Variants in FAM171A1 observed in about 807,000 individuals in gnomAD.
FAM171A1 encodes the protein family with sequence similarity 171 member A1.
Under a neutral mutation model 74.9 loss-of-function variants are expected in FAM171A1, and 23 were observed. That is an observed-to-expected ratio of 0.31 (90% CI 0.22 to 0.44). The LOEUF (loss-of-function observed/expected upper bound fraction) is 0.44. Among genes scored for constraint, FAM171A1 ranks in the 20% least tolerant of loss-of-function variants. The pLI, the probability that FAM171A1 is intolerant of heterozygous loss-of-function variation, is 1.00. For missense variants in FAM171A1, 1,162 were observed against 1,159.2 expected (o/e 1.00, Z -0.03); for synonymous variants, 527 against 505.7 (o/e 1.04, Z -0.57).
At chr10:15,257,437 C>T (rs1834594935) in intron 3 of FAM171A1, among the ~76,000 whole-genome samples, 1 of 152,176 alleles carries the variant, frequency 6.6e-6, no homozygotes, top group South Asian at 2.1e-4. Context: ...CCCCAGCTCT[C>T]AGGGCCCTGG....
intron 5 of FAM171A1, among the ~76,000 whole-genome samples, chr10:15,233,376 A>G (rs886386532): frequency 3.3e-5 from 5 of 152,132 alleles, no homozygotes; most frequent in African/African-American, 1.2e-4. Context: ...CTTCCCCTTC[A>G]GTTTAGGAAA....
chr10:15,289,721 C>T (rs74962910), intron 1 of FAM171A1, among the ~76,000 whole-genome samples: 19,343 of 152,250 alleles, frequency 0.13, 1,552 homozygotes, highest in Non-Finnish European at 0.18. Flanking sequence ...GCAGCAACTT[C>T]GGCCTGCCCT....
chr10:15,244,748 T>C (rs1289040416), intron 5 of FAM171A1, among the ~76,000 whole-genome samples: 1 of 151,158 alleles, frequency 6.6e-6, no homozygotes, highest in African/African-American at 2.4e-5. Context: ...GTGCAGGGAG[T>C]AACAGGTCCC....
intron 1 of FAM171A1, among the ~76,000 whole-genome samples, chr10:15,351,624 C>G (rs144120782): frequency 3.4e-4 from 8 of 23,878 alleles, no homozygotes; most frequent in Non-Finnish European, 7.8e-4. Flanking sequence ...TGGATGGATG[C>G]ATGGATAGAT....
intron 3 of FAM171A1, among the ~76,000 whole-genome samples, chr10:15,268,784 G>C (rs1196255888): frequency 6.6e-6 from 1 of 152,192 alleles, no homozygotes; most frequent in East Asian, 1.9e-4. Flanking sequence ...CATGGTGCCT[G>C]TAATCCCAAC....
intron 1 of FAM171A1, among the ~76,000 whole-genome samples, chr10:15,366,239 C>A (rs990169002): frequency 6.6e-6 from 1 of 152,038 alleles, no homozygotes; most frequent in Non-Finnish European, 1.5e-5. Context: ...CCTGCCTTAG[C>A]CTCCCGAGTA....
In FAM171A1 at chr10:15,219,612, C is replaced by T. The variant is rs569679908; in HGVS notation, c.871+1332G>A. On this transcript the variant is annotated intron_variant, in intron 6 of 7. Transcript: ENST00000378116. Reference sequence around the variant, plus strand: ...TTTTTCTTTTTTTGAGAGGGTGTCTCGCTCTGTCGCCCAGGCTGGAGTGCA... The same window carrying T: ...TTTTTCTTTTTTTGAGAGGGTGTCTTGCTCTGTCGCCCAGGCTGGAGTGCA... 1.2e-4 allele frequency among the ~76,000 whole-genome samples: 19 copies of T among 152,222 alleles called. No individual in the cohort carries two copies. The East Asian group carries it at 1.7e-3, about 14-fold the overall frequency.
intron 4 of FAM171A1, among the ~76,000 whole-genome samples, chr10:15,253,945 T>A (rs1000993106): frequency 2.0e-5 from 3 of 152,142 alleles, no homozygotes; most frequent in African/African-American, 7.2e-5. Flanking sequence ...TGATAAGGAA[T>A]TATCACTTAT....
At chr10:15,249,547 TG>T (rs1435972218) in intron 4 of FAM171A1, among the ~76,000 whole-genome samples, 3 of 152,256 alleles carry the variant, frequency 2.0e-5, no homozygotes, top group Admixed American at 6.5e-5. Flanking sequence ...GTTAATTACT[TG>T]GCAGATAACC....
intron 5 of FAM171A1, among the ~76,000 whole-genome samples, chr10:15,238,170 C>T (rs1834318763): frequency 6.6e-6 from 1 of 152,192 alleles, no homozygotes; most frequent in Admixed American, 6.5e-5. Flanking sequence ...TCCAATCACC[C>T]ACCTCAGTAT....
intron 5 of FAM171A1, among the ~76,000 whole-genome samples, chr10:15,242,524 C>T (rs1834375638): frequency 6.6e-6 from 1 of 152,228 alleles, no homozygotes; most frequent in Non-Finnish European, 1.5e-5. Flanking sequence ...CGTTGGCTCA[C>T]GCCTATAATC....
intron 6 of FAM171A1, among the ~76,000 whole-genome samples, chr10:15,219,782 A>G (rs1323491659): frequency 1.3e-5 from 2 of 152,116 alleles, no homozygotes; most frequent in Non-Finnish European, 2.9e-5. Flanking sequence ...GGGTTTCACC[A>G]TGTTAGCCAG....
chr10:15,312,758 T>C (rs1404694193), intron 1 of FAM171A1, among the ~76,000 whole-genome samples: 8 of 132,744 alleles, frequency 6.0e-5, no homozygotes, highest in African/African-American at 2.0e-4. Context: ...AGTGCAGTGG[T>C]GCAATCTCGG....
intron 1 of FAM171A1, among the ~76,000 whole-genome samples, chr10:15,360,108 T>A (rs1835976573): frequency 6.6e-6 from 1 of 152,194 alleles, no homozygotes; most frequent in Non-Finnish European, 1.5e-5. Flanking sequence ...ATTTTTTTTA[T>A]TATTTGTAGA....
chr10:15,325,998 A>G (rs528673767), intron 1 of FAM171A1, among the ~76,000 whole-genome samples: 1 of 152,298 alleles, frequency 6.6e-6, no homozygotes, highest in East Asian at 1.9e-4. Context: ...ATCAAATCAC[A>G]TTGTAAATAC....
At chr10:15,360,107 A>T (rs1835976544) in intron 1 of FAM171A1, among the ~76,000 whole-genome samples, 1 of 151,950 alleles carries the variant, frequency 6.6e-6, no homozygotes, top group Admixed American at 6.6e-5. Context: ...AATTTTTTTT[A>T]TTATTTGTAG....
intron 1 of FAM171A1, among the ~76,000 whole-genome samples, chr10:15,311,554 T>G (rs1046016141): frequency 1.3e-5 from 2 of 152,190 alleles, no homozygotes; most frequent in African/African-American, 2.4e-5. Context: ...TAGCTTCATC[T>G]CCATATATCC....
In FAM171A1 at chr10:15,221,025, G is replaced by C. The variant is rs371026208; in HGVS notation, c.790C>G (p.Gln264Glu). ...WLKSGLGLVH[Q>E]EGSQLTWTYI... is the part of the protein sequence containing the mutation. ...GTCCACGTCAGCTGGCTGCCTTCCT[G>C]GTGCACAAGACCCAGACCGCTCTTC... The change falls in exon 6 of 8, where the codon CAG (glutamine) becomes GAG (glutamate). Residue 264 changes from glutamine (Q) to glutamate (E), a missense_variant. Coordinates refer to ENST00000378116, the MANE Select transcript of FAM171A1 (RefSeq NM_001010924.2). 4 of 1,613,982 alleles carry C rather than the reference G, an allele frequency of 2.5e-6. No individual in the cohort carries two copies. The highest frequency in any genetic ancestry group is 3.4e-6 in the Non-Finnish European group (4 of 1,180,012).
At chr10:15,308,710 T>G (rs1026528780) in intron 1 of FAM171A1, among the ~76,000 whole-genome samples, 1 of 152,092 alleles carries the variant, frequency 6.6e-6, no homozygotes, top group African/African-American at 2.4e-5. Context: ...CAAGCATTAG[T>G]GGGTATTTTG....
Sources: allele counts gnomAD v4.1 joint callset (sites outside exome capture counted in the v4.1 genomes callset), GRCh38; gene constraint gnomAD v4.1.1; transcripts MANE v1.5; gene names NCBI Gene and HGNC (gene_info 2026-07-23, HGNC 2026-07-21).